SLC45A1: variants seen among roughly 807,000 people sequenced by gnomAD.
SLC45A1 encodes the protein proton-associated sugar transporter A.
Under a neutral mutation model 57.6 loss-of-function variants are expected in SLC45A1, and 28 were observed. The observed-to-expected ratio is 0.49, with a 90% CI of 0.36 to 0.67. The LOEUF (loss-of-function observed/expected upper bound fraction) is 0.67. Among genes scored for constraint, SLC45A1 ranks in the 30% least tolerant of loss-of-function variants. SLC45A1 has a pLI of 0.00. For missense variants in SLC45A1, 814 were observed against 1,041.5 expected, an observed-to-expected ratio of 0.78 and a Z score of 3.01; for synonymous variants, 459 against 471.5, an observed-to-expected ratio of 0.97 and a Z score of 0.34.
intron 6 of SLC45A1, among the ~76,000 whole-genome samples, chr1:8,336,409 C>CAA (rs1208792018): frequency 2.6e-4 from 24 of 92,860 alleles, no homozygotes; most frequent in Admixed American, 5.9e-4. Context: ...GACTCCATCT[C>CAA]AAAAAAAAAA....
chr1:8,342,265 G>A (rs1640849944), intron 8 of SLC45A1, among the ~76,000 whole-genome samples: 1 of 152,198 alleles, frequency 6.6e-6, no homozygotes, highest in African/African-American at 2.4e-5. Context: ...ATTTTGCTCA[G>A]CATAGACTTT....
Position 8,325,225 on chromosome 1 carries a change from A to T in SLC45A1, c.398-73A>T. ...GTGTTTGAGAGCAGGCACTTCAGGA[A>T]TGTGGAGGCTGATTCGATGTCCCCA... On this transcript the variant is annotated intron_variant, in intron 2 of 8. Transcript: ENST00000471889. The surrounding 1 kb of genome is among the most constrained non-coding windows in gnomAD (Gnocchi z 6.3). 1 of 924,698 alleles carries T rather than the reference A, an allele frequency of 1.1e-6. No homozygotes were observed. Among genetic ancestry groups the T allele is most frequent in the Non-Finnish European group, 1.8e-6 (1 of 566,100 alleles). 57.3% of individuals were successfully genotyped at this position (924,698 alleles called of 1,614,324 possible). A position where few individuals can be genotyped will look rare whatever the true frequency, so the allele number is the denominator to read the frequency against.
Position 8,343,140 on chromosome 1 carries a change from G to A in SLC45A1, c.1981-607G>A, listed in dbSNP as rs1305598068. On this transcript the variant is annotated intron_variant, in intron 8 of 8. Coordinates refer to ENST00000471889, the MANE Select transcript of SLC45A1 (RefSeq NM_001080397.3). The surrounding 1 kb of genome is among the most constrained non-coding windows in gnomAD (Gnocchi z 7.7). ...CCAGGTCACAGCAATGCCCACTCAC[G>A]CAGCACCTTGCAGGCCGGCTGGTGC... 2.6e-5 allele frequency among the ~76,000 whole-genome samples: 4 copies of A among 152,162 alleles called. No homozygotes were observed. The highest frequency in any genetic ancestry group is 2.1e-4 in the South Asian group (1 of 4,832).
chr1:8,336,914 C>A (rs974515731), intron 6 of SLC45A1, among the ~76,000 whole-genome samples: 9 of 152,278 alleles, frequency 5.9e-5, no homozygotes, highest in Non-Finnish European at 1.2e-4. Flanking sequence ...GGATTTCTCC[C>A]AATTAAATGG....
intron 1 of SLC45A1, among the ~76,000 whole-genome samples, chr1:8,318,752 T>G (rs1639902406): frequency 6.6e-6 from 1 of 152,174 alleles, no homozygotes; most frequent in Non-Finnish European, 1.5e-5. Context: ...CCGTGCATGT[T>G]TTTCAGCTCT....
At chr1:8,332,899 G>A (rs1640459771) in intron 5 of SLC45A1, among the ~76,000 whole-genome samples, 1 of 152,210 alleles carries the variant, frequency 6.6e-6, no homozygotes, top group African/African-American at 2.4e-5. Flanking sequence ...GGCGTTGCAG[G>A]AGGAGAGTAT....
chr1:8,338,324 G>A (rs1488393978), intron 7 of SLC45A1, among the ~76,000 whole-genome samples: 1 of 152,228 alleles, frequency 6.6e-6, no homozygotes, highest in East Asian at 1.9e-4. Flanking sequence ...CTGTCCACCA[G>A]CCCCCAGCTC....
At chr1:8,320,135 A>G (rs1639955686) in intron 1 of SLC45A1, among the ~76,000 whole-genome samples, 1 of 152,228 alleles carries the variant, frequency 6.6e-6, no homozygotes, top group African/African-American at 2.4e-5. Context: ...AATCCTTAGT[A>G]AAGACTTCTT....
In SLC45A1 at chr1:8,318,145, C is replaced by T. The variant is rs1337163936; in HGVS notation, c.-66C>T. On this transcript the variant is annotated 5_prime_UTR_variant, in exon 1 of 9. Transcript: ENST00000471889. ...GCCGGGACCGCGGCCGGGCAGGCAGCAGCCCAGCGGGGACAGGGATGCCTG... is the reference window on the plus strand; with the variant it reads ...GCCGGGACCGCGGCCGGGCAGGCAGTAGCCCAGCGGGGACAGGGATGCCTG... 8.7e-6 allele frequency: 4 copies of T among 459,290 alleles called. No individual in the cohort carries two copies. Among genetic ancestry groups the T allele is most frequent in the South Asian group, 4.7e-5 (1 of 21,424 alleles). The allele number at this position is 459,290 out of a possible 1,614,324, so 28.5% of individuals were successfully genotyped here.
chr1:8,335,782 T>C lies in SLC45A1; in HGVS notation c.1597+192T>C, dbSNP rs1046366406. Among the ~76,000 whole-genome samples, 2 of 152,168 alleles carry C rather than the reference T, an allele frequency of 1.3e-5. No individual in the cohort carries two copies. The highest frequency in any genetic ancestry group is 2.9e-5 in the Non-Finnish European group (2 of 68,014). On this transcript the variant is annotated intron_variant, in intron 6 of 8. Transcript: ENST00000471889. This position sits in a 1 kb window ranked among gnomAD's most constrained non-coding sequence, Gnocchi z 4.1. ...GGGCTTTTCTCCAGGGTGCCTGCCC[T>C]GCATAGCCCCAAACTAAACCAGGTG...
intron 7 of SLC45A1, among the ~76,000 whole-genome samples, chr1:8,339,132 C>T (rs1487634763): frequency 2.0e-5 from 3 of 152,212 alleles, no homozygotes; most frequent in African/African-American, 7.2e-5. Flanking sequence ...CCCACAATTA[C>T]ACAAGAACAC....
intron 6 of SLC45A1, among the ~76,000 whole-genome samples, chr1:8,337,609 G>A (rs1356861680): frequency 3.9e-5 from 6 of 152,098 alleles, no homozygotes; most frequent in African/African-American, 1.4e-4. Flanking sequence ...CAGTAGAGAC[G>A]GGGTTTCACC....
Position 8,324,548 on chromosome 1 carries a change from G to A in SLC45A1, c.219G>A (p.Val73=). The stretch of plus-strand genomic sequence containing the variant: ...ACACCCCGTGCCCGCTTGAGCTGGT[G>A]GACTTCGGGGACCTGCACCCCCAGA... The part of the protein sequence containing the change: ...PPNTPCPLEL[V]DFGDLHPQRS... Residue 73 remains valine, a synonymous_variant, in exon 2 of 9, where the codon GTG becomes GTA. Coordinates refer to ENST00000471889, the MANE Select transcript of SLC45A1 (RefSeq NM_001080397.3). 1 of 1,610,926 alleles carries A rather than the reference G, an allele frequency of 6.2e-7. No individual in the cohort carries two copies. The highest frequency in any genetic ancestry group is 2.2e-5 in the East Asian group (1 of 44,742).
rs764301428 is a variant in SLC45A1, at chr1:8,325,278, G to T, written c.398-20G>T. ...TGCCATGGGGACCCTGGCAATGACC[G>T]CTGGCCTGCTCTGTTTCAGGATTCC... On this transcript the variant is annotated intron_variant, in intron 2 of 8. Transcript: ENST00000471889. This position sits in a 1 kb window ranked among gnomAD's most constrained non-coding sequence, Gnocchi z 6.3. 4 of 1,578,402 alleles carry T rather than the reference G, an allele frequency of 2.5e-6. No homozygotes were observed. Among genetic ancestry groups the T allele is most frequent in the East Asian group, 2.2e-5 (1 of 44,704 alleles).
chr1:8,330,263 G>C lies in SLC45A1; in HGVS notation c.770G>C (p.Gly257Ala). The C allele has an allele frequency of 6.2e-7, 1 of 1,613,934 alleles. No homozygotes were observed. Among genetic ancestry groups the C allele is most frequent in the Non-Finnish European group, 8.5e-7 (1 of 1,180,000 alleles). Residue 257 changes from glycine to alanine, a missense_variant, in exon 5 of 9, where the codon GGC (glycine) becomes GCC (alanine). Gly to Ala is a moderately conservative substitution (Grantham distance 60). Coordinates refer to ENST00000471889, the MANE Select transcript of SLC45A1 (RefSeq NM_001080397.3). The surrounding 1 kb of genome is among the most constrained non-coding windows in gnomAD (Gnocchi z 8.4). ...GGCGGAATCCACTGGGATAAAACGG[G>C]CTTCGGGAGGGCCCTGGGGGGACAG... ...VVGGIHWDKT[G>A]FGRALGGQLR...
intron 7 of SLC45A1, among the ~76,000 whole-genome samples, chr1:8,338,265 C>T (rs528622429): frequency 3.0e-4 from 45 of 152,256 alleles, no homozygotes; most frequent in African/African-American, 6.7e-4. Flanking sequence ...ATAGCGAGGG[C>T]GAAGTGGGGG....
intron 8 of SLC45A1, among the ~76,000 whole-genome samples, chr1:8,340,566 A>T (rs1640777488): frequency 6.6e-6 from 1 of 152,150 alleles, no homozygotes; most frequent in Admixed American, 6.5e-5. Context: ...TCTGTCCTTG[A>T]ATCCTGACTA....
Position 8,343,225 on chromosome 1 carries a change from C to T in SLC45A1, c.1981-522C>T, listed in dbSNP as rs1288254646. On this transcript the variant is annotated intron_variant, in intron 8 of 8. Transcript: ENST00000471889. This position sits in a 1 kb window ranked among gnomAD's most constrained non-coding sequence, Gnocchi z 7.7. ...CTCCCCACCGTCACTCTGCACAGAC[C>T]ACACTCTCAGCCACTGTCCCCCAGC... Among the ~76,000 whole-genome samples the T allele has an allele frequency of 1.3e-5, 2 of 152,190 alleles. No individual in the cohort carries two copies. Among genetic ancestry groups the T allele is most frequent in the Admixed American group, 6.5e-5 (1 of 15,284 alleles).
At position 8,325,759 on chromosome 1, in the gene SLC45A1, C is replaced by T; in HGVS notation, c.491-59C>T. On this transcript the variant is annotated intron_variant, in intron 3 of 8. Coordinates refer to ENST00000471889, the MANE Select transcript of SLC45A1 (RefSeq NM_001080397.3). The surrounding 1 kb of genome is among the most constrained non-coding windows in gnomAD (Gnocchi z 6.3). ...AAAGATTCTAGACATAAGTCGTGAG[C>T]TGCCGGGGACAGAGCTGGTCTGCAT... The T allele has an allele frequency of 6.8e-7, 1 of 1,479,908 alleles. No individual in the cohort carries two copies. Among genetic ancestry groups the T allele is most frequent in the South Asian group, 1.1e-5 (1 of 87,218 alleles). The allele number at this position is 1,479,908 out of a possible 1,614,324, so 91.7% of individuals were successfully genotyped here. A position where few individuals can be genotyped will look rare whatever the true frequency, so the allele number is the denominator to read the frequency against.
Sources: allele counts gnomAD v4.1 joint callset (sites outside exome capture counted in the v4.1 genomes callset), GRCh38; gene constraint gnomAD v4.1.1; non-coding constraint Gnocchi (gnomAD v3.1); transcripts MANE v1.5; gene names NCBI Gene and HGNC (gene_info 2026-07-23, HGNC 2026-07-21).